Variants in BANK1 observed in about 807,000 individuals in gnomAD.
BANK1 encodes the protein B-cell scaffold protein with ankyrin repeats.
A neutral mutation model predicts 94.5 loss-of-function variants in BANK1; 95 were observed. The ratio of observed to expected loss-of-function variants is 1.00; its 90% CI spans 0.85 to 1.19. The LOEUF (loss-of-function observed/expected upper bound fraction) is 1.19. Among genes scored for constraint, BANK1 ranks in the 50% most tolerant of loss-of-function variants. The probability of loss-of-function intolerance (pLI) is 0.00; values close to 1 mark genes in which losing one functional copy is unlikely to be tolerated. For synonymous variants in BANK1, 334 were observed against 308.4 expected (o/e 1.08, Z -0.87); for missense variants, 987 against 932.2 (o/e 1.06, Z -0.77).
chr4:101,959,587 A>G (rs1724495449), intron 7 of BANK1, among the ~76,000 whole-genome samples: 1 of 152,234 alleles, frequency 6.6e-6, no homozygotes, highest in Admixed American at 6.5e-5. Flanking sequence ...CCATGCAAAG[A>G]TTATAAAAGT....
intron 12 of BANK1, 42 bp from the exon 13 acceptor site, chr4:102,063,033 A>G (rs1023299169): frequency 2.6e-6 from 4 of 1,533,772 alleles, no homozygotes; most frequent in Middle Eastern, 1.7e-4. Flanking sequence ...ATCCATAAAA[A>G]TTTGAAAATC....
intron 1 of BANK1, 80 bp from the exon 2 acceptor site, chr4:101,829,728 C>A: frequency 1.2e-6 from 1 of 868,394 alleles, no homozygotes; most frequent in Non-Finnish European, 1.7e-6. Flanking sequence ...GCCTAGTGAG[C>A]ATATTAAAAT....
At chr4:101,873,522 T>C (rs1728376073) in intron 5 of BANK1, among the ~76,000 whole-genome samples, 1 of 152,176 alleles carries the variant, frequency 6.6e-6, no homozygotes, top group South Asian at 2.1e-4. Flanking sequence ...TTAAAAAAAC[T>C]GCGCATATAG....
chr4:101,929,948 C>G (rs1723288558), intron 7 of BANK1, among the ~76,000 whole-genome samples: 1 of 151,348 alleles, frequency 6.6e-6, no homozygotes, highest in Non-Finnish European at 1.5e-5. Flanking sequence ...ATAAAACATT[C>G]ATTTAATATT....
intron 2 of BANK1, among the ~76,000 whole-genome samples, chr4:101,847,340 G>A (rs769838589): frequency 3.3e-5 from 5 of 150,340 alleles, no homozygotes; most frequent in Non-Finnish European, 5.9e-5. Flanking sequence ...AGAAGTTTGG[G>A]GTATTTATTT....
chr4:101,838,271 T>C (rs2148866559), intron 2 of BANK1, among the ~76,000 whole-genome samples: 1 of 152,280 alleles, frequency 6.6e-6, no homozygotes, highest in Middle Eastern at 3.4e-3. Context: ...TGGGTAGCTT[T>C]TAAACATATT....
chr4:101,794,259 G>A (rs1232062876), intron 1 of BANK1, among the ~76,000 whole-genome samples: 1 of 151,842 alleles, frequency 6.6e-6, no homozygotes, highest in Non-Finnish European at 1.5e-5. Flanking sequence ...AAAAAAATAA[G>A]CATCAAACAG....
chr4:102,053,700 A>AACTT (rs1483356902), intron 11 of BANK1, among the ~76,000 whole-genome samples: 1 of 151,906 alleles, frequency 6.6e-6, no homozygotes, highest in African/African-American at 2.4e-5. Context: ...TACTGAAGTA[A>AACTT]ACTTAAATAA....
chr4:101,849,031 G>GC (rs1468528376), intron 2 of BANK1, among the ~76,000 whole-genome samples: 1 of 152,116 alleles, frequency 6.6e-6, no homozygotes, highest in African/African-American at 2.4e-5. Context: ...CCTGCACTTA[G>GC]CCCCCTTGTA....
chr4:101,839,508 C>T (rs1726951949), intron 2 of BANK1, among the ~76,000 whole-genome samples: 1 of 152,096 alleles, frequency 6.6e-6, no homozygotes, highest in African/African-American at 2.4e-5. Flanking sequence ...CATTTAATAG[C>T]TTCCCATATG....
intron 7 of BANK1, among the ~76,000 whole-genome samples, chr4:102,010,080 C>A (rs1243821334): frequency 6.7e-6 from 1 of 150,010 alleles, no homozygotes; most frequent in Non-Finnish European, 1.5e-5. Context: ...TCCTGGCTAA[C>A]ACGGTGAAAC....
chr4:101,870,145 C>G (rs1728231452), intron 4 of BANK1, among the ~76,000 whole-genome samples: 1 of 151,716 alleles, frequency 6.6e-6, no homozygotes, highest in South Asian at 2.1e-4. Flanking sequence ...TAATAAATAC[C>G]TAACTTTTGA....
chr4:101,879,789 T>C (rs1728612074), intron 5 of BANK1, among the ~76,000 whole-genome samples: 1 of 152,072 alleles, frequency 6.6e-6, no homozygotes, highest in Non-Finnish European at 1.5e-5. Context: ...TTTCAAAATA[T>C]GCAAATAAAC....
chr4:102,069,724 A>G (rs775522635), intron 13 of BANK1, among the ~76,000 whole-genome samples: 2 of 152,252 alleles, frequency 1.3e-5, no homozygotes, highest in East Asian at 1.9e-4. Context: ...CAAATGTCCA[A>G]TGGAAGAATA....
chr4:102,007,170 A>ATATATATATATATATAT (rs1560682419), intron 7 of BANK1, among the ~76,000 whole-genome samples: 24 of 113,144 alleles, frequency 2.1e-4, no homozygotes, highest in Non-Finnish European at 3.2e-4. Flanking sequence ...ATATATATAT[A>ATATATATATATATATAT]AAATCCCTAA....
intron 16 of BANK1, 26 bp from the exon 17 acceptor site, chr4:102,073,979 T>C (rs777628732): frequency 3.1e-6 from 1 of 324,166 alleles, no homozygotes; most frequent in Non-Finnish European, 5.6e-6. Context: ...TATTCACTAA[T>C]ACATTTCCTA....
intron 1 of BANK1, among the ~76,000 whole-genome samples, chr4:101,802,090 T>A: frequency 6.6e-6 from 1 of 152,212 alleles, no homozygotes; most frequent in East Asian, 1.9e-4. Flanking sequence ...TACTTAGGTC[T>A]GTGGGCATAG....
intron 2 of BANK1, among the ~76,000 whole-genome samples, chr4:101,851,257 A>G (rs1182783689): frequency 6.6e-6 from 1 of 152,244 alleles, no homozygotes; most frequent in Non-Finnish European, 1.5e-5. Flanking sequence ...TGATCTGGAT[A>G]GAACATCAAA....
At chr4:101,912,234 T>C (rs992893928) in intron 6 of BANK1, among the ~76,000 whole-genome samples, 7 of 152,180 alleles carry the variant, frequency 4.6e-5, no homozygotes, top group African/African-American at 1.7e-4. Context: ...CACTCTATTA[T>C]TAATCCACCC....
Sources: gnomAD v4.1 joint callset for allele counts (sites outside exome capture counted in the v4.1 genomes callset) on GRCh38, gnomAD v4.1.1 for gene constraint, MANE v1.5 for transcripts, NCBI Gene and HGNC (gene_info 2026-07-23, HGNC 2026-07-21) for gene names.